Variants in PCDHGA9 observed in about 807,000 individuals in gnomAD.
The protein encoded by PCDHGA9 is protocadherin gamma-A9.
PCDHGA9 carries 37 observed loss-of-function variants against 62.5 expected under a neutral mutation model. The observed-to-expected ratio is 0.59, with a 90% CI of 0.46 to 0.78. The LOEUF is 0.78. PCDHGA9 is among the 30% of genes least tolerant of loss of function. PCDHGA9 has a pLI of 0.00. For missense variants in PCDHGA9, 1,138 were observed against 1,166.2 expected (o/e 0.98, Z 0.35); for synonymous variants, 459 against 484.6 (o/e 0.95, Z 0.69).
intron 2 of PCDHGA9, among the ~76,000 whole-genome samples, chr5:141,497,290 C>A (rs182104163): frequency 4.7e-4 from 72 of 152,184 alleles, no homozygotes; most frequent in Middle Eastern, 3.4e-3. Flanking sequence ...CTCTACCTAC[C>A]ACCACCCCAG....
intron 1 of PCDHGA9, among the ~76,000 whole-genome samples, chr5:141,470,896 T>C (rs1370454369): frequency 6.6e-6 from 1 of 151,980 alleles, no homozygotes; most frequent in Non-Finnish European, 1.5e-5. Context: ...TTTTGTTTTT[T>C]GTAGAGATGG....
intron 1 of PCDHGA9, among the ~76,000 whole-genome samples, chr5:141,461,046 G>A (rs984653754): frequency 6.6e-6 from 1 of 151,578 alleles, no homozygotes; most frequent in Non-Finnish European, 1.5e-5. Context: ...AGTCGATGGG[G>A]ACTTAGGTTG....
chr5:141,430,315 T>C (rs185896854), intron 1 of PCDHGA9, among the ~76,000 whole-genome samples: 58 of 151,980 alleles, frequency 3.8e-4, no homozygotes, highest in African/African-American at 1.3e-3. Context: ...CATTATAAGA[T>C]TAAAATCATT....
chr5:141,416,096 T>C (rs2095991930), intron 1 of PCDHGA9: 1 of 161,152 alleles, frequency 6.2e-6, no homozygotes, highest in South Asian at 2.0e-4. Flanking sequence ...AGAAGGGCAA[T>C]AGGCCTTTTT....
At chr5:141,419,477 C>G (rs760970548) in intron 1 of PCDHGA9, 1 of 1,612,420 alleles carries the variant, frequency 6.2e-7, no homozygotes, top group Non-Finnish European at 8.5e-7. Flanking sequence ...CCAGGGCTCG[C>G]CCGCGCTCAG....
At chr5:141,481,894 A>G (rs1278425155) in intron 1 of PCDHGA9, among the ~76,000 whole-genome samples, 1 of 145,812 alleles carries the variant, frequency 6.9e-6, no homozygotes, top group Non-Finnish European at 1.5e-5. Flanking sequence ...AGCCTGGGTG[A>G]AAGAGCGAAA....
At position 141,418,595 on chromosome 5, in the gene PCDHGA9, G is replaced by A. The variant is rs1331897624; in HGVS notation, c.2424+13219G>A. The A allele has an allele frequency of 2.5e-6, 4 of 1,613,928 alleles. No individual in the cohort carries two copies. Among genetic ancestry groups the A allele is most frequent in the Admixed American group, 3.3e-5 (2 of 60,006 alleles). On this transcript the variant is annotated intron_variant, in intron 1 of 3. Transcript: ENST00000573521. ...CAACCCCCCAGTGTTCAGCCAGGAC[G>A]TGTACAGGGTTAGCCTTCGGGAAGA...
In PCDHGA9 at chr5:141,493,930, A is replaced by G. The variant is rs547125826; in HGVS notation, c.2425-877A>G. Among the ~76,000 whole-genome samples the G allele has an allele frequency of 6.6e-6, 1 of 152,268 alleles. No homozygotes were observed. The highest frequency in any genetic ancestry group is 6.5e-5 in the Admixed American group (1 of 15,300). ...TGTGATGGGATAACACACCCCCTGG[A>G]AAGACCAGAAGGGACTCAGGAATGA... On this transcript the variant is annotated intron_variant, in intron 1 of 3. Transcript: ENST00000573521. This position sits in a 1 kb window ranked among gnomAD's most constrained non-coding sequence, Gnocchi z 4.3.
intron 1 of PCDHGA9, chr5:141,417,903 A>G (rs2096184376): frequency 1.3e-6 from 2 of 1,590,930 alleles, no homozygotes; most frequent in Non-Finnish European, 8.6e-7. Flanking sequence ...GGCCCGCGGC[A>G]GGTACTATTT....
Position 141,419,013 on chromosome 5 carries a change from G to C in PCDHGA9, c.2424+13637G>C, listed in dbSNP as rs746229802. The C allele has an allele frequency of 6.9e-5, 111 of 1,613,840 alleles. No individual in the cohort carries two copies. In the East Asian group the frequency reaches 2.4e-3, roughly 35 times the overall value. ...GGGGAAAATGGGGAAGTCAGGTGTA[G>C]CTTAAGTAGAGGTGTTCCATTTAAG... is the stretch of plus-strand genomic sequence containing the variant. On this transcript the variant is annotated intron_variant, in intron 1 of 3. Transcript: ENST00000573521.
intron 1 of PCDHGA9, chr5:141,424,024 C>T: frequency 9.6e-7 from 1 of 1,045,488 alleles, no homozygotes; most frequent in Non-Finnish European, 1.2e-6. Flanking sequence ...GATTCACAAA[C>T]ACTTTTTATT....
Position 141,402,799 on chromosome 5 carries a change from C to G in PCDHGA9, c.-154C>G. The G allele has an allele frequency of 9.4e-7, 1 of 1,061,846 alleles. No individual in the cohort carries two copies. The highest frequency in any genetic ancestry group is 1.3e-6 in the Non-Finnish European group (1 of 771,088). 65.8% of individuals were successfully genotyped at this position (1,061,846 alleles called of 1,614,324 possible). A position where few individuals can be genotyped will look rare whatever the true frequency, so the allele number is the denominator to read the frequency against. ...TTCCAGTTCTGCGGCTACACAAAAC[C>G]CGGCAGATACCACAAACCTGCTCCC... On this transcript the variant is annotated 5_prime_UTR_variant, in exon 1 of 4. Transcript: ENST00000573521.
At chr5:141,443,448 T>C (rs1205977008) in intron 1 of PCDHGA9, among the ~76,000 whole-genome samples, 1 of 152,210 alleles carries the variant, frequency 6.6e-6, no homozygotes, top group African/African-American at 2.4e-5. Context: ...GTTGCGCTCC[T>C]GTACTCCAGT....
At chr5:141,430,653 A>G (rs2097300223) in intron 1 of PCDHGA9, 4 of 1,073,410 alleles carry the variant, frequency 3.7e-6, no homozygotes, top group Middle Eastern at 2.4e-4. Context: ...TGTGGAAACA[A>G]CGGAGGAGCT....
At chr5:141,463,834 A>G (rs1212299231) in intron 1 of PCDHGA9, among the ~76,000 whole-genome samples, 4 of 152,108 alleles carry the variant, frequency 2.6e-5, no homozygotes, top group East Asian at 1.9e-4. Flanking sequence ...TCCACTTCCC[A>G]GTTGTTATAG....
Position 141,487,925 on chromosome 5 carries a change from C to T in PCDHGA9, c.2425-6882C>T. 4.8e-6 allele frequency: 3 copies of T among 629,734 alleles called. No homozygotes were observed. The highest frequency in any genetic ancestry group is 8.3e-6 in the Non-Finnish European group (3 of 362,440). 39.0% of individuals were successfully genotyped at this position (629,734 alleles called of 1,614,324 possible). On this transcript the variant is annotated intron_variant, in intron 1 of 3. Coordinates refer to ENST00000573521, the MANE Select transcript of PCDHGA9 (RefSeq NM_018921.3). The surrounding 1 kb of genome is among the most constrained non-coding windows in gnomAD (Gnocchi z 5.0). ...TGTGGGAGCACAGGAGGCTACAGTGCACAGGGTACAGTGCACCAGGCAGTC... is the reference window on the plus strand; with the variant it reads ...TGTGGGAGCACAGGAGGCTACAGTGTACAGGGTACAGTGCACCAGGCAGTC...
intron 1 of PCDHGA9, among the ~76,000 whole-genome samples, chr5:141,460,992 T>C (rs2099006034): frequency 6.6e-6 from 1 of 151,316 alleles, no homozygotes; most frequent in South Asian, 2.1e-4. Context: ...TGTATATATA[T>C]ATATGTGTAT....
At chr5:141,471,637 T>C (rs1284100810) in intron 1 of PCDHGA9, 2 of 152,198 alleles carry the variant, frequency 1.3e-5, no homozygotes, top group Non-Finnish European at 2.9e-5. Context: ...TATGGATTAG[T>C]AATATACTGG....
Position 141,431,464 on chromosome 5 carries a change from G to GA in PCDHGA9, c.2424+26090dup, listed in dbSNP as rs1561852795. 1 of 1,613,782 alleles carries GA rather than the reference G, an allele frequency of 6.2e-7. No homozygotes were observed. Among genetic ancestry groups the GA allele is most frequent in the Non-Finnish European group, 8.5e-7 (1 of 1,179,972 alleles). ...GCATCCGCGTGATGGTTCTGGATGC[G>GA]AACGACAACGCACCAGCGTTTGCTC... On this transcript the variant is annotated intron_variant, in intron 1 of 3. Coordinates refer to ENST00000573521, the MANE Select transcript of PCDHGA9 (RefSeq NM_018921.3). This position sits in a 1 kb window ranked among gnomAD's most constrained non-coding sequence, Gnocchi z 4.8.
Sources: gnomAD v4.1 joint callset for allele counts (sites outside exome capture counted in the v4.1 genomes callset) on GRCh38, gnomAD v4.1.1 for gene constraint, Gnocchi (gnomAD v3.1) non-coding constraint, MANE v1.5 for transcripts, NCBI Gene and HGNC (gene_info 2026-07-23, HGNC 2026-07-21) for gene names.